Variants in RPS29 observed in about 807,000 individuals in gnomAD.
RPS29 encodes the protein small ribosomal subunit protein uS14.
For missense variants in RPS29, 60 were observed against 75.7 expected (o/e 0.79, Z 0.77); for synonymous variants, 37 against 26.9 (o/e 1.37, Z -1.16).
At chr14:49,582,795 C>G (rs1405622927), downstream of RPS29, among the ~76,000 whole-genome samples, 1 of 152,182 alleles carries the variant, frequency 6.6e-6, no homozygotes, top group Non-Finnish European at 1.5e-5. Context: ...CACCTACCTT[C>G]ATTTATTCCA....
intron 1 of RPS29, among the ~76,000 whole-genome samples, chr14:49,591,849 T>C (rs1415915970): frequency 6.7e-6 from 1 of 150,228 alleles, no homozygotes; most frequent in Non-Finnish European, 1.5e-5. Context: ...CTCGATATCC[T>C]GACCTCATGA....
chr14:49,587,816 G>C (rs1881622767), upstream of RPS29, among the ~76,000 whole-genome samples: 1 of 152,228 alleles, frequency 6.6e-6, no homozygotes, highest in African/African-American at 2.4e-5. Flanking sequence ...GTACATTTGA[G>C]AGACCTTTGA....
intron 1 of RPS29, among the ~76,000 whole-genome samples, chr14:49,592,977 G>T (rs910839545): frequency 6.6e-6 from 1 of 151,842 alleles, no homozygotes; most frequent in Non-Finnish European, 1.5e-5. Context: ...ATTCTTTAAA[G>T]GTTACATGTG....
upstream of RPS29, among the ~76,000 whole-genome samples, chr14:49,589,479 G>A (rs1253821143): frequency 6.6e-6 from 1 of 152,152 alleles, no homozygotes; most frequent in Non-Finnish European, 1.5e-5. Flanking sequence ...TATTATTCAA[G>A]ATGTCTTTAA....
chr14:49,577,550 C>A, exon 3 of RPS29: 2 of 614,348 alleles, frequency 3.3e-6, no homozygotes. Context: ...ACTTCCAGCT[C>A]CTTAACGTTG....
chr14:49,592,290 AC>A (rs1881729623), intron 1 of RPS29: 1 of 151,434 alleles, frequency 6.6e-6, no homozygotes, highest in South Asian at 2.1e-4. Flanking sequence ...TAAATCTGTA[AC>A]TGGTTGTAAT....
chr14:49,590,910 C>T (rs552045882), upstream of RPS29, among the ~76,000 whole-genome samples: 39 of 152,068 alleles, frequency 2.6e-4, no homozygotes, highest in African/African-American at 8.4e-4. Context: ...AGGCTGGTCT[C>T]GAACTTCTGG....
intron 2 of RPS29, among the ~76,000 whole-genome samples, chr14:49,584,636 C>G (rs1439827686): frequency 1.3e-5 from 2 of 151,920 alleles, no homozygotes; most frequent in Non-Finnish European, 2.9e-5. Flanking sequence ...TGGTGGCAGA[C>G]GCCTGTAATC....
chr14:49,585,606 G>C (rs901863698), intron 2 of RPS29: 3 of 412,546 alleles, frequency 7.3e-6, no homozygotes, highest in African/African-American at 6.2e-5. Context: ...AAGAGAATAG[G>C]TACTTACAAG....
chr14:49,584,859 A>T (rs1195328643), intron 2 of RPS29, among the ~76,000 whole-genome samples: 1 of 152,154 alleles, frequency 6.6e-6, no homozygotes, highest in Non-Finnish European at 1.5e-5. Context: ...AGAGCCAATA[A>T]TAAATTCGTT....
At chr14:49,584,001 T>A (rs755865375) in intron 2 of RPS29, among the ~76,000 whole-genome samples, 57 of 152,184 alleles carry the variant, frequency 3.7e-4, no homozygotes, top group Non-Finnish European at 5.3e-4. Flanking sequence ...ATTTTTTTTT[T>A]GAGAGAGAGT....
downstream of RPS29, among the ~76,000 whole-genome samples, chr14:49,579,765 T>A (rs1191818016): frequency 6.6e-6 from 1 of 152,210 alleles, no homozygotes; most frequent in Admixed American, 6.5e-5. Flanking sequence ...CTCAAGTAAC[T>A]AAGTGATCTT....
chr14:49,596,055 C>T (rs1427799222), intron 1 of RPS29, among the ~76,000 whole-genome samples: 1 of 151,864 alleles, frequency 6.6e-6, no homozygotes, highest in Non-Finnish European at 1.5e-5. Flanking sequence ...GAACCATTAT[C>T]TGTTGAATGC....
downstream of RPS29, among the ~76,000 whole-genome samples, chr14:49,579,450 C>T (rs1881276261): frequency 6.6e-6 from 1 of 152,178 alleles, no homozygotes; most frequent in Non-Finnish European, 1.5e-5. Context: ...ACATGTAGTC[C>T]TAGCATTTTG....
exon 3 of RPS29, chr14:49,575,269 C>T (rs1324585574): frequency 6.6e-6 from 1 of 152,284 alleles, no homozygotes; most frequent in Non-Finnish European, 1.5e-5. Context: ...TCTTTAACTC[C>T]TGACCTCAGG....
Position 49,598,578 on chromosome 14 carries a change from C to T in RPS29, c.-311G>A, listed in dbSNP as rs1881894120. The T allele has an allele frequency of 5.7e-6, 4 of 702,154 alleles. No homozygotes were observed. In the East Asian group the frequency reaches 1.1e-4, roughly 19 times the overall value. 43.5% of individuals were successfully genotyped at this position (702,154 alleles called of 1,614,324 possible). Reference sequence around the variant, plus strand: ...GGGGCCACTCAGACAGTTCTAAGTGCCTTTCCCTGTAACGCAGAGGCACAC... The same window carrying T: ...GGGGCCACTCAGACAGTTCTAAGTGTCTTTCCCTGTAACGCAGAGGCACAC... On this transcript the variant is annotated 5_prime_UTR_variant, in exon 1 of 4. Transcript: ENST00000556230.
At chr14:49,577,838 G>T in exon 3 of RPS29, 1 of 1,596,934 alleles carries the variant, frequency 6.3e-7, no homozygotes, top group Non-Finnish European at 8.5e-7. Flanking sequence ...TGCCAAGGAA[G>T]ACAGCTCAGG....
chr14:49,586,934 CT>C (rs535997601), upstream of RPS29: 1,150 of 153,732 alleles, frequency 7.5e-3, 8 homozygotes, highest in Non-Finnish European at 0.012. Flanking sequence ...TTCTCATAGT[CT>C]TTTTTATTGA....
downstream of RPS29, among the ~76,000 whole-genome samples, chr14:49,581,408 A>C (rs779243166): frequency 5.9e-5 from 9 of 152,116 alleles, no homozygotes; most frequent in Non-Finnish European, 1.3e-4. Context: ...CTCAAAGTCA[A>C]CATGTCCAAA....
Sources: allele counts gnomAD v4.1 joint callset (sites outside exome capture counted in the v4.1 genomes callset), GRCh38; gene constraint gnomAD v4.1.1; transcripts MANE v1.5; gene names NCBI Gene and HGNC (gene_info 2026-07-23, HGNC 2026-07-21).